PHLPP1: variants seen among roughly 807,000 people sequenced by gnomAD.
PHLPP1 encodes the protein PH domain leucine-rich repeat-containing protein phosphatase 1.
In PHLPP1, 42 loss-of-function variants were observed where a neutral mutation model predicts 117.2. The observed-to-expected ratio is 0.36, with a 90% CI of 0.28 to 0.46. The LOEUF is 0.46. Ranked by LOEUF, PHLPP1 falls within the 20% of genes least tolerant of loss-of-function variation. PHLPP1 has a pLI of 1.00. For synonymous variants in PHLPP1, 1,042 were observed against 970.7 expected, an observed-to-expected ratio of 1.07 and a Z score of -1.37; for missense variants, 2,084 against 2,241.9, an observed-to-expected ratio of 0.93 and a Z score of 1.42.
intron 8 of PHLPP1, chr18:62,906,476 A>T (rs1467080313): frequency 8.8e-5 from 13 of 147,258 alleles, no homozygotes; most frequent in African/African-American, 3.3e-4. Context: ...AAGCAGGGCG[A>T]GGCATTGCCT....
intron 4 of PHLPP1, among the ~76,000 whole-genome samples, chr18:62,871,204 G>T (rs1039925982): frequency 1.3e-5 from 2 of 152,068 alleles, no homozygotes; most frequent in Admixed American, 1.3e-4. Context: ...TTTCCCCCAT[G>T]TCTTAATTTT....
At chr18:62,857,275 G>A (rs1477873618) in intron 3 of PHLPP1, among the ~76,000 whole-genome samples, 2 of 150,476 alleles carry the variant, frequency 1.3e-5, no homozygotes, top group Non-Finnish European at 3.0e-5. Context: ...AGGTGTGTGT[G>A]TATTGTATTA....
intron 6 of PHLPP1, among the ~76,000 whole-genome samples, chr18:62,897,003 T>C (rs1916579582): frequency 6.6e-6 from 1 of 152,202 alleles, no homozygotes; most frequent in African/African-American, 2.4e-5. Context: ...TAAGGAACTC[T>C]AAACACTTTG....
intron 4 of PHLPP1, among the ~76,000 whole-genome samples, chr18:62,892,082 C>CTTTTTTTTTTTTTTTT (rs200141250): frequency 8.3e-5 from 9 of 107,968 alleles, no homozygotes; most frequent in African/African-American, 1.6e-4. Flanking sequence ...TTCTTTCTTT[C>CTTTTTTTTTTTTTTTT]TTTTTTTTTT....
intron 1 of PHLPP1, among the ~76,000 whole-genome samples, chr18:62,737,266 G>A (rs892758150): frequency 6.6e-6 from 1 of 152,166 alleles, no homozygotes; most frequent in African/African-American, 2.4e-5. Flanking sequence ...GGAATGGTGA[G>A]TAGTTTGGAG....
chr18:62,902,490 G>A (rs1916748884), intron 6 of PHLPP1, among the ~76,000 whole-genome samples: 1 of 152,120 alleles, frequency 6.6e-6, no homozygotes, highest in Non-Finnish European at 1.5e-5. Context: ...TTAATTCCAT[G>A]CTACTCATCC....
chr18:62,734,378 T>C (rs1911310532), intron 1 of PHLPP1, among the ~76,000 whole-genome samples: 1 of 152,192 alleles, frequency 6.6e-6, no homozygotes, highest in South Asian at 2.1e-4. Flanking sequence ...AGAAACAAAA[T>C]CTTTCAGCAT....
chr18:62,785,328 A>G (rs766057832), intron 1 of PHLPP1, among the ~76,000 whole-genome samples: 9 of 152,202 alleles, frequency 5.9e-5, no homozygotes, highest in Non-Finnish European at 1.3e-4. Context: ...TGCTGTGTTC[A>G]TCATTCAGGA....
intron 1 of PHLPP1, among the ~76,000 whole-genome samples, chr18:62,741,737 C>G (rs1911531995): frequency 6.7e-6 from 1 of 149,880 alleles, no homozygotes. Flanking sequence ...CTTGTTTAAG[C>G]TGAGACCTGA....
At chr18:62,811,717 A>G (rs928543358) in intron 1 of PHLPP1, among the ~76,000 whole-genome samples, 2 of 152,176 alleles carry the variant, frequency 1.3e-5, no homozygotes, top group African/African-American at 4.8e-5. Flanking sequence ...TAGGCTAATT[A>G]TAGGAGGTTT....
Position 62,979,213 on chromosome 18 carries a change from C to A in PHLPP1, c.4936C>A (p.Arg1646=). The change falls in exon 17 of 17, where the codon CGA becomes AGA. Residue 1646 remains arginine (R), a synonymous_variant. Coordinates refer to ENST00000262719, the MANE Select transcript of PHLPP1 (RefSeq NM_194449.4). ...VIEVATDAPL[R]KPGGYFAAPA... ...AGAGGTGGCTACAGACGCACCTCTT[C>A]GAAAGCCTGGAGGCTATTTTGCTGC... is the stretch of plus-strand genomic sequence containing the variant. 1 of 1,610,788 alleles carries A rather than the reference C, an allele frequency of 6.2e-7. No homozygotes were observed. The highest frequency in any genetic ancestry group is 8.5e-7 in the Non-Finnish European group (1 of 1,178,490).
intron 10 of PHLPP1, among the ~76,000 whole-genome samples, chr18:62,931,689 T>C (rs1196607965): frequency 6.6e-6 from 1 of 151,174 alleles, no homozygotes; most frequent in Non-Finnish European, 1.5e-5. Context: ...GGTCAAGAGT[T>C]TGAGACCAGC....
chr18:62,726,117 T>TAC lies in PHLPP1; in HGVS notation c.1576+8877_1576+8878dup, dbSNP rs146915477. ...CACACTATATATATGTATGTGTATATACACACACACACACACACACGCATG... is the reference window on the plus strand; with the variant it reads ...CACACTATATATATGTATGTGTATATACACACACACACACACACACACGCATG... On this transcript the variant is annotated intron_variant, in intron 1 of 16. Transcript: ENST00000262719. Among the ~76,000 whole-genome samples the TAC allele has an allele frequency of 0.013, 2,001 of 149,638 alleles. 96 individuals are homozygous for TAC. The South Asian group carries it at 0.17, about 13-fold the overall frequency.
chr18:62,794,193 C>G (rs1913553641), intron 1 of PHLPP1, among the ~76,000 whole-genome samples: 1 of 151,944 alleles, frequency 6.6e-6, no homozygotes, highest in South Asian at 2.1e-4. Context: ...TCTATCCCCC[C>G]CGAAAAAAGT....
At chr18:62,788,942 A>G (rs955879443) in intron 1 of PHLPP1, among the ~76,000 whole-genome samples, 6 of 151,514 alleles carry the variant, frequency 4.0e-5, no homozygotes, top group Non-Finnish European at 7.4e-5. Flanking sequence ...AGGTGTGTTT[A>G]AAAAAAAATA....
chr18:62,921,669 G>T (rs551181055), intron 10 of PHLPP1, among the ~76,000 whole-genome samples: 1 of 152,226 alleles, frequency 6.6e-6, no homozygotes, highest in South Asian at 2.1e-4. Context: ...AGAATTTAAG[G>T]AATTTCAAAT....
intron 4 of PHLPP1, among the ~76,000 whole-genome samples, chr18:62,891,266 A>G (rs1831793403): frequency 6.6e-6 from 1 of 152,244 alleles, no homozygotes; most frequent in Non-Finnish European, 1.5e-5. Flanking sequence ...AATTATATAT[A>G]TCGATATTTG....
chr18:62,783,823 A>G (rs1913199386), intron 1 of PHLPP1, among the ~76,000 whole-genome samples: 2 of 152,188 alleles, frequency 1.3e-5, no homozygotes, highest in Non-Finnish European at 2.9e-5. Flanking sequence ...AGTCCACATA[A>G]TGGAAGTAAA....
chr18:62,796,305 T>C (rs1913630135), intron 1 of PHLPP1, among the ~76,000 whole-genome samples: 1 of 152,250 alleles, frequency 6.6e-6, no homozygotes, highest in African/African-American at 2.4e-5. Context: ...TTATTGTTTT[T>C]ACCATTTTAC....
Sources: allele counts gnomAD v4.1 joint callset (sites outside exome capture counted in the v4.1 genomes callset), GRCh38; gene constraint gnomAD v4.1.1; transcripts MANE v1.5; gene names NCBI Gene and HGNC (gene_info 2026-07-23, HGNC 2026-07-21).